DCC: variants seen among roughly 807,000 people sequenced by gnomAD.
The protein encoded by DCC is netrin receptor DCC.
A neutral mutation model predicts 172.5 loss-of-function variants in DCC; 58 were observed. The ratio of observed to expected loss-of-function variants is 0.34; its 90% confidence interval spans 0.27 to 0.42. DCC has a LOEUF of 0.42. Ranked by LOEUF, DCC falls within the 10% of genes least tolerant of loss-of-function variation. The pLI is 1.00. For synonymous variants in DCC, 709 were observed against 644.5 expected (o/e 1.10, Z -1.52); for missense variants, 1,740 against 1,791.0 (o/e 0.97, Z 0.51).
intron 26 of DCC, among the ~76,000 whole-genome samples, chr18:53,490,222 T>TA (rs5825022): frequency 0.11 from 16,061 of 151,992 alleles, 2,566 homozygotes; most frequent in African/African-American, 0.35. Flanking sequence ...TAGGGTATTT[T>TA]AAAAAAATAC....
At chr18:52,459,922 T>A (rs1220257071) in intron 1 of DCC, among the ~76,000 whole-genome samples, 1 of 151,826 alleles carries the variant, frequency 6.6e-6, no homozygotes, top group Non-Finnish European at 1.5e-5. Flanking sequence ...TACACACATA[T>A]ATATATACAC....
intron 5 of DCC, among the ~76,000 whole-genome samples, chr18:52,959,532 AGT>A (rs1369228463): frequency 6.7e-6 from 1 of 148,382 alleles, no homozygotes; most frequent in African/African-American, 2.6e-5. Flanking sequence ...TCACCCAGAT[AGT>A]GTGACGGGTT....
chr18:53,028,692 C>T (rs1942802799), intron 5 of DCC, among the ~76,000 whole-genome samples: 1 of 152,098 alleles, frequency 6.6e-6, no homozygotes, highest in African/African-American at 2.4e-5. Context: ...GGACAATAGT[C>T]TCAATGTTAA....
intron 2 of DCC, among the ~76,000 whole-genome samples, chr18:52,823,639 T>C (rs1835712): frequency 0.044 from 6,762 of 151,962 alleles, 357 homozygotes; most frequent in African/African-American, 0.13. Flanking sequence ...AAGGACAAAA[T>C]AAAAATGAGC....
intron 1 of DCC, among the ~76,000 whole-genome samples, chr18:52,444,667 T>G (rs1189840094): frequency 6.6e-6 from 1 of 152,134 alleles, no homozygotes; most frequent in African/African-American, 2.4e-5. Context: ...TGGCCTAGAG[T>G]AGTATTAAAC....
intron 2 of DCC, among the ~76,000 whole-genome samples, chr18:52,836,644 C>T (rs2038710534): frequency 6.6e-6 from 1 of 152,218 alleles, no homozygotes; most frequent in African/African-American, 2.4e-5. Flanking sequence ...AGGTGGGCTT[C>T]CATGGCCTTG....
chr18:52,988,424 T>TAA (rs1271169616), intron 5 of DCC, among the ~76,000 whole-genome samples: 1 of 152,152 alleles, frequency 6.6e-6, no homozygotes, highest in East Asian at 1.9e-4. Flanking sequence ...TCTGTAGACA[T>TAA]AAGAAAAATC....
intron 1 of DCC, among the ~76,000 whole-genome samples, chr18:52,404,384 T>G (rs1389964090): frequency 6.6e-6 from 1 of 152,052 alleles, no homozygotes; most frequent in Non-Finnish European, 1.5e-5. Context: ...CATCTGACAC[T>G]CAACTTGAAA....
chr18:52,987,906 T>G (rs972143628), intron 5 of DCC, among the ~76,000 whole-genome samples: 7 of 152,230 alleles, frequency 4.6e-5, no homozygotes, highest in African/African-American at 1.7e-4. Flanking sequence ...TTCATTCTAC[T>G]GAAATAATAG....
At chr18:53,462,984 A>T (rs1314897770) in intron 24 of DCC, among the ~76,000 whole-genome samples, 1 of 152,226 alleles carries the variant, frequency 6.6e-6, no homozygotes, top group Non-Finnish European at 1.5e-5. Flanking sequence ...CTCTGCTTAG[A>T]TAGACTCGGG....
intron 7 of DCC, among the ~76,000 whole-genome samples, chr18:53,066,389 A>G (rs1383536828): frequency 4.3e-5 from 4 of 92,014 alleles, no homozygotes; most frequent in Non-Finnish European, 6.3e-5. Context: ...ATATATATAT[A>G]TATATATATG....
chr18:53,017,228 A>G (rs1023951646), intron 5 of DCC, among the ~76,000 whole-genome samples: 1 of 152,106 alleles, frequency 6.6e-6, no homozygotes, highest in African/African-American at 2.4e-5. Flanking sequence ...GGCGCCCGCC[A>G]AAGTTGGGTG....
intron 1 of DCC, among the ~76,000 whole-genome samples, chr18:52,666,585 A>G (rs1659324174): frequency 6.6e-6 from 1 of 152,208 alleles, no homozygotes; most frequent in African/African-American, 2.4e-5. Context: ...CAATCAAATA[A>G]ATGGTACCAT....
intron 5 of DCC, among the ~76,000 whole-genome samples, chr18:52,972,728 G>A (rs139743227): frequency 0.014 from 2,106 of 152,224 alleles, 54 homozygotes; most frequent in African/African-American, 0.049. Flanking sequence ...TCATTTGAGG[G>A]AACATGGTAG....
chr18:52,568,637 T>C (rs973110363), intron 1 of DCC, among the ~76,000 whole-genome samples: 1 of 152,100 alleles, frequency 6.6e-6, no homozygotes, highest in African/African-American at 2.4e-5. Flanking sequence ...TTAAAGAGTA[T>C]AATTCTGTGA....
At chr18:52,797,141 T>C (rs1568110265) in intron 2 of DCC, among the ~76,000 whole-genome samples, 1 of 152,190 alleles carries the variant, frequency 6.6e-6, no homozygotes, top group Non-Finnish European at 1.5e-5. Context: ...GTTTCTTTTT[T>C]GAATTTCTCA....
chr18:53,008,559 A>G (rs1181392895), intron 5 of DCC, among the ~76,000 whole-genome samples: 1 of 152,088 alleles, frequency 6.6e-6, no homozygotes, highest in Non-Finnish European at 1.5e-5. Flanking sequence ...TTTCAAATAT[A>G]TCCATATTAA....
At chr18:53,206,944 CA>C (rs1686881386) in intron 10 of DCC, among the ~76,000 whole-genome samples, 1 of 151,992 alleles carries the variant, frequency 6.6e-6, no homozygotes, top group Non-Finnish European at 1.5e-5. Flanking sequence ...ATAAGATAAG[CA>C]TTACAAGAGC....
intron 5 of DCC, among the ~76,000 whole-genome samples, chr18:52,987,318 A>C (rs570534578): frequency 6.6e-5 from 10 of 152,092 alleles, no homozygotes; most frequent in Non-Finnish European, 1.5e-4. Flanking sequence ...AACAAACAAA[A>C]AACCCCAACA....
Sources: allele counts gnomAD v4.1 joint callset (sites outside exome capture counted in the v4.1 genomes callset), GRCh38; gene constraint gnomAD v4.1.1; transcripts MANE v1.5; gene names NCBI Gene and HGNC (gene_info 2026-07-23, HGNC 2026-07-21).